The following SHROOM3 variants were observed in gnomAD, a reference collection of about 807,000 sequenced individuals.
The protein encoded by SHROOM3 is protein Shroom3.
SHROOM3 carries 47 observed loss-of-function variants against 138.6 expected under a neutral mutation model. The ratio of observed to expected loss-of-function variants is 0.34; its 90% CI spans 0.27 to 0.43. SHROOM3 has a LOEUF of 0.43. SHROOM3 is among the 20% of genes least tolerant of loss of function. The pLI is 1.00. For missense variants in SHROOM3, 2,491 were observed against 2,596.5 expected (o/e 0.96, Z 0.88); for synonymous variants, 1,062 against 1,063.3 (o/e 1.00, Z 0.02).
At chr4:76,449,398 A>T (rs1730877919) in intron 1 of SHROOM3, among the ~76,000 whole-genome samples, 1 of 152,174 alleles carries the variant, frequency 6.6e-6, no homozygotes, top group Admixed American at 6.5e-5. Context: ...AATGGTGTGA[A>T]GTTTTACACC....
At chr4:76,568,506 T>A (rs1373533955) in intron 2 of SHROOM3, among the ~76,000 whole-genome samples, 1 of 152,174 alleles carries the variant, frequency 6.6e-6, no homozygotes, top group Non-Finnish European at 1.5e-5. Flanking sequence ...TTCTCCTGTA[T>A]CCCCCACCAA....
At chr4:76,680,076 G>T (rs1215547774) in intron 2 of SHROOM3, among the ~76,000 whole-genome samples, 1 of 152,020 alleles carries the variant, frequency 6.6e-6, no homozygotes, top group East Asian at 1.9e-4. Context: ...TTTCTCCAGC[G>T]CAAACAACCA....
At chr4:76,697,554 T>C (rs536525447) in intron 2 of SHROOM3, among the ~76,000 whole-genome samples, 33 of 152,286 alleles carry the variant, frequency 2.2e-4, no homozygotes, top group Non-Finnish European at 4.1e-4. Context: ...AAGGGCACAC[T>C]CTGGAGCCTT....
At chr4:76,629,782 GA>G (rs1203166571) in intron 2 of SHROOM3, among the ~76,000 whole-genome samples, 2 of 152,232 alleles carry the variant, frequency 1.3e-5, no homozygotes, top group Non-Finnish European at 2.9e-5. Flanking sequence ...AGATGGAAAA[GA>G]TAAGAAGTGA....
chr4:76,681,606 T>TGC, intron 2 of SHROOM3, among the ~76,000 whole-genome samples: 1 of 131,644 alleles, frequency 7.6e-6, no homozygotes, highest in Admixed American at 7.9e-5. Flanking sequence ...TGTGTGTGTG[T>TGC]GTGTGTGTGT....
chr4:76,621,175 C>A (rs1345035871), intron 2 of SHROOM3, among the ~76,000 whole-genome samples: 1 of 151,920 alleles, frequency 6.6e-6, no homozygotes, highest in Non-Finnish European at 1.5e-5. Context: ...AACTTCCTGT[C>A]AGTCAAGGGC....
chr4:76,672,870 C>T (rs2110098894), intron 2 of SHROOM3, among the ~76,000 whole-genome samples: 1 of 152,238 alleles, frequency 6.6e-6, no homozygotes, highest in South Asian at 2.1e-4. Flanking sequence ...TCATGCCCGG[C>T]CGGATACATG....
At chr4:76,756,347 C>T in intron 7 of SHROOM3, 102 bp from the exon 8 acceptor site, 1 of 1,381,124 alleles carries the variant, frequency 7.2e-7, no homozygotes, top group South Asian at 1.3e-5. Context: ...ATGTGGAAAG[C>T]TTCTCCCTCA....
At position 76,780,901 on chromosome 4, in the gene SHROOM3, G is replaced by A. The variant is rs886784561; in HGVS notation, c.*1724G>A. 4.6e-5 allele frequency: 7 copies of A among 152,106 alleles called. No individual in the cohort carries two copies. The highest frequency in any genetic ancestry group is 1.7e-4 in the African/African-American group (7 of 41,388). The allele number at this position is 152,106 out of a possible 1,614,324, so 9.4% of individuals were successfully genotyped here. ...TGGTCATCAGTCTTAGGCCAACATGGGAGCCTGAAATTAACTCCATCAGTA... is the reference window on the plus strand; with the variant it reads ...TGGTCATCAGTCTTAGGCCAACATGAGAGCCTGAAATTAACTCCATCAGTA... On this transcript the variant is annotated 3_prime_UTR_variant, in exon 11 of 11. Coordinates refer to ENST00000296043, the MANE Select transcript of SHROOM3 (RefSeq NM_020859.4).
chr4:76,710,349 C>T (rs892553582), intron 3 of SHROOM3, 62 bp downstream of exon 3: 6 of 1,602,002 alleles, frequency 3.7e-6, no homozygotes, highest in Non-Finnish European at 5.1e-6. Context: ...AAAAGCCACT[C>T]AGCTGCTGGG....
At chr4:76,576,298 A>G (rs1733939940) in intron 2 of SHROOM3, among the ~76,000 whole-genome samples, 1 of 152,230 alleles carries the variant, frequency 6.6e-6, no homozygotes, top group African/African-American at 2.4e-5. Context: ...ACTTACACAC[A>G]ATGGAATATT....
At position 76,524,546 on chromosome 4, in the gene SHROOM3, A is replaced by T. The variant is rs141413230; in HGVS notation, c.169-31063A>T. 2.6e-4 allele frequency among the ~76,000 whole-genome samples: 39 copies of T among 152,362 alleles called. No homozygotes were observed. In the East Asian group the frequency reaches 6.9e-3, roughly 27 times the overall value. Reference sequence around the variant, plus strand: ...GAATGTTATCGACTCAGGGATCAGTATCCTGCCTTAATTAACAAAACAGGG... The same window carrying T: ...GAATGTTATCGACTCAGGGATCAGTTTCCTGCCTTAATTAACAAAACAGGG... On this transcript the variant is annotated intron_variant, in intron 1 of 10. Transcript: ENST00000296043.
intron 5 of SHROOM3, among the ~76,000 whole-genome samples, chr4:76,742,435 C>T (rs1349833512): frequency 2.0e-5 from 3 of 152,008 alleles, no homozygotes; most frequent in Non-Finnish European, 4.4e-5. Flanking sequence ...TAAGTGTAAT[C>T]TACATTTATT....
chr4:76,669,294 AGTAGGG>A, intron 2 of SHROOM3, among the ~76,000 whole-genome samples: 1 of 152,066 alleles, frequency 6.6e-6, no homozygotes, highest in East Asian at 1.9e-4. Context: ...TCTGTCTTTA[AGTAGGG>A]ATAAATTACT....
At chr4:76,520,865 A>G (rs1259322490) in intron 1 of SHROOM3, among the ~76,000 whole-genome samples, 4 of 152,232 alleles carry the variant, frequency 2.6e-5, no homozygotes, top group Non-Finnish European at 4.4e-5. Flanking sequence ...GTTAATTCAC[A>G]TCAAGCCAAT....
chr4:76,672,614 C>A (rs1718918347), intron 2 of SHROOM3, among the ~76,000 whole-genome samples: 1 of 152,032 alleles, frequency 6.6e-6, no homozygotes, highest in Non-Finnish European at 1.5e-5. Context: ...GCTCTGTCAC[C>A]CAGGCTAGAG....
intron 1 of SHROOM3, among the ~76,000 whole-genome samples, chr4:76,454,165 T>C (rs553476948): frequency 2.3e-3 from 354 of 152,300 alleles, no homozygotes; most frequent in Non-Finnish European, 3.8e-3. Context: ...TGCCTCAGCC[T>C]CCTGAGTGGC....
In SHROOM3 at chr4:76,565,155, C is replaced by T. The variant is rs534115401; in HGVS notation, c.323+9392C>T. The stretch of plus-strand genomic sequence containing the variant: ...CAGCCTGGGTGACAGGGCGAGACTC[C>T]ATTTCAAAAAAAAAAAAAAAAAAAA... On this transcript the variant is annotated intron_variant, in intron 2 of 10. Transcript: ENST00000296043. Among the ~76,000 whole-genome samples, 361 of 114,852 alleles carry T rather than the reference C, an allele frequency of 3.1e-3. 2 individuals carry two copies. Among genetic ancestry groups the T allele is most frequent in the Admixed American group, 5.7e-3 (61 of 10,772 alleles). 75.3% of individuals were successfully genotyped at this position (114,852 alleles called of 152,430 possible).
chr4:76,765,641 G>A (rs536188524), intron 9 of SHROOM3, among the ~76,000 whole-genome samples: 6 of 152,240 alleles, frequency 3.9e-5, no homozygotes, highest in African/African-American at 1.2e-4. Context: ...GACGTTACTG[G>A]CGATGTGGTC....
Sources: allele counts gnomAD v4.1 joint callset (sites outside exome capture counted in the v4.1 genomes callset), GRCh38; gene constraint gnomAD v4.1.1; transcripts MANE v1.5; gene names NCBI Gene and HGNC (gene_info 2026-07-23, HGNC 2026-07-21).